HECW2: variants seen among roughly 807,000 people sequenced by gnomAD.
HECW2 encodes the protein HECT, C2 and WW domain containing E3 ubiquitin protein ligase 2.
HECW2 carries 61 observed loss-of-function variants against 175.2 expected under a neutral mutation model. That is an observed-to-expected ratio of 0.35 (90% CI 0.28 to 0.43). The LOEUF (loss-of-function observed/expected upper bound fraction) is 0.43. Ranked by LOEUF, HECW2 falls within the 20% of genes least tolerant of loss-of-function variation. The pLI is 1.00. For missense variants in HECW2, 1,524 were observed against 2,000.5 expected (o/e 0.76, Z 4.54); for synonymous variants, 671 against 731.0 (o/e 0.92, Z 1.32).
At chr2:196,455,643 T>C (rs1479159916) in intron 1 of HECW2, among the ~76,000 whole-genome samples, 2 of 152,184 alleles carry the variant, frequency 1.3e-5, no homozygotes, top group African/African-American at 4.8e-5. Context: ...AATTGTGACA[T>C]TCTCTTTTGG....
intron 1 of HECW2, among the ~76,000 whole-genome samples, chr2:196,472,834 T>C (rs2125354875): frequency 6.6e-6 from 1 of 152,324 alleles, no homozygotes; most frequent in Admixed American, 6.5e-5. Flanking sequence ...TTGGCCAGGC[T>C]GGTTCCGAAC....
intron 4 of HECW2, among the ~76,000 whole-genome samples, chr2:196,330,967 T>G (rs1692337140): frequency 6.6e-6 from 1 of 152,174 alleles, no homozygotes; most frequent in African/African-American, 2.4e-5. Flanking sequence ...TTATCTTTGC[T>G]GCATTCCCCA....
intron 1 of HECW2, among the ~76,000 whole-genome samples, chr2:196,569,831 A>T (rs1316375167): frequency 6.6e-6 from 1 of 152,270 alleles, no homozygotes; most frequent in Non-Finnish European, 1.5e-5. Flanking sequence ...ATGTGAAGGC[A>T]CATGGAAAAG....
At chr2:196,370,723 C>G (rs1452490445) in intron 2 of HECW2, among the ~76,000 whole-genome samples, 1 of 152,206 alleles carries the variant, frequency 6.6e-6, no homozygotes, top group Non-Finnish European at 1.5e-5. Context: ...AGTGATTCCC[C>G]TCTGGCTAGG....
At chr2:196,385,618 C>G (rs1337308453) in intron 2 of HECW2, among the ~76,000 whole-genome samples, 2 of 152,172 alleles carry the variant, frequency 1.3e-5, no homozygotes, top group Admixed American at 1.3e-4. Context: ...CTTTTGTGAT[C>G]TGAAGCTAGT....
At chr2:196,396,731 G>A (rs1253455134) in intron 2 of HECW2, among the ~76,000 whole-genome samples, 7 of 152,124 alleles carry the variant, frequency 4.6e-5, no homozygotes, top group Admixed American at 3.3e-4. Context: ...AAAGTGGCCT[G>A]GGTGGGATGT....
intron 2 of HECW2, among the ~76,000 whole-genome samples, chr2:196,422,587 T>C (rs1274154345): frequency 1.3e-5 from 2 of 151,958 alleles, no homozygotes; most frequent in Non-Finnish European, 2.9e-5. Flanking sequence ...ACACGAGACA[T>C]GCAGCATTAG....
intron 1 of HECW2, among the ~76,000 whole-genome samples, chr2:196,539,518 C>T (rs1689139402): frequency 6.6e-6 from 1 of 151,998 alleles, no homozygotes; most frequent in Admixed American, 6.6e-5. Flanking sequence ...ACCTGTGGTA[C>T]CAGCTACTCA....
At chr2:196,550,864 T>C (rs994406765) in intron 1 of HECW2, among the ~76,000 whole-genome samples, 1 of 152,218 alleles carries the variant, frequency 6.6e-6, no homozygotes, top group African/African-American at 2.4e-5. Flanking sequence ...TCTTATCTTC[T>C]GCCTAAGCAG....
intron 1 of HECW2, among the ~76,000 whole-genome samples, chr2:196,547,397 A>G (rs979479110): frequency 2.2e-4 from 33 of 152,220 alleles, no homozygotes; most frequent in Admixed American, 7.2e-4. Context: ...TAAAAACTTT[A>G]TATTTGCCCC....
At chr2:196,376,350 G>A (rs1169133608) in intron 2 of HECW2, among the ~76,000 whole-genome samples, 2 of 152,156 alleles carry the variant, frequency 1.3e-5, no homozygotes, top group African/African-American at 2.4e-5. Context: ...TAGATTTTCG[G>A]CTGGGCACAG....
At chr2:196,354,521 G>A (rs943948455) in intron 2 of HECW2, among the ~76,000 whole-genome samples, 1 of 152,204 alleles carries the variant, frequency 6.6e-6, no homozygotes. Context: ...TGGGGGCTGA[G>A]AAAAATCCTG....
chr2:196,447,721 C>T (rs1696227633), intron 1 of HECW2, among the ~76,000 whole-genome samples: 1 of 152,102 alleles, frequency 6.6e-6, no homozygotes, highest in African/African-American at 2.4e-5. Flanking sequence ...TGCTATCACA[C>T]AGTTTTCTTG....
At chr2:196,572,924 A>G (rs1328889469) in intron 1 of HECW2, among the ~76,000 whole-genome samples, 1 of 152,196 alleles carries the variant, frequency 6.6e-6, no homozygotes, top group Non-Finnish European at 1.5e-5. Context: ...TATTTAAGCA[A>G]CCCAGTTTAT....
intron 1 of HECW2, among the ~76,000 whole-genome samples, chr2:196,501,363 A>G (rs1403502781): frequency 2.0e-5 from 3 of 152,146 alleles, no homozygotes; most frequent in African/African-American, 7.2e-5. Context: ...AGCTCACTGC[A>G]ACCTCCCACG....
intron 2 of HECW2, among the ~76,000 whole-genome samples, chr2:196,355,086 T>C (rs894465406): frequency 2.6e-5 from 4 of 152,250 alleles, no homozygotes; most frequent in African/African-American, 9.6e-5. Context: ...AAGAAACTTA[T>C]AATTTATGGT....
At chr2:196,266,844 A>G (rs989616385) in intron 17 of HECW2, among the ~76,000 whole-genome samples, 7 of 152,246 alleles carry the variant, frequency 4.6e-5, no homozygotes, top group African/African-American at 1.2e-4. Context: ...TTAAACTCTA[A>G]CAAAACCCCA....
At chr2:196,546,222 C>T (rs1269472009) in intron 1 of HECW2, among the ~76,000 whole-genome samples, 1 of 152,140 alleles carries the variant, frequency 6.6e-6, no homozygotes, top group Non-Finnish European at 1.5e-5. Flanking sequence ...TTGAGGACCT[C>T]CCCTTAGTGC....
chr2:196,278,033 T>C (rs1381826347), intron 15 of HECW2, among the ~76,000 whole-genome samples: 1 of 144,372 alleles, frequency 6.9e-6, no homozygotes, highest in African/African-American at 2.5e-5. Flanking sequence ...ATGTAAATGA[T>C]GAGTTAATGG....
Sources: gnomAD v4.1 joint callset for allele counts (sites outside exome capture counted in the v4.1 genomes callset) on GRCh38, gnomAD v4.1.1 for gene constraint, MANE v1.5 for transcripts, NCBI Gene and HGNC (gene_info 2026-07-23, HGNC 2026-07-21) for gene names.